SYT5: variants seen among roughly 807,000 people sequenced by gnomAD.
SYT5 encodes synaptotagmin 5, also known as synaptotagmin-5.
SYT5 carries 29 observed loss-of-function variants against 36.0 expected under a neutral mutation model. The observed-to-expected ratio is 0.81, with a 90% CI of 0.60 to 1.10. The LOEUF is 1.10. Ranked by LOEUF, SYT5 falls within the 50% of genes least tolerant of loss-of-function variation. The pLI is 0.00. For synonymous variants in SYT5, 231 were observed against 227.6 expected (o/e 1.02, Z -0.14); for missense variants, 512 against 516.0 (o/e 0.99, Z 0.08).
chr19:55,174,373 G>T, intron 8 of SYT5, 144 bp downstream of exon 8: 1 of 1,103,124 alleles, frequency 9.1e-7, no homozygotes, highest in Non-Finnish European at 1.3e-6. Context: ...AGGCTTCCTG[G>T]TCCTCATAGG....
chr19:55,173,498 G>A lies in SYT5; in HGVS notation c.1147C>T (p.Leu383=), dbSNP rs1417979637. ...SLRPPDRVRL[L]PAP The stretch of plus-strand genomic sequence containing the variant: ...TGGGGTGGGAGTCAGGGCGCAGGCA[G>A]CAGCCTCACTCGGTCCGGGGGCCGC... The change falls in exon 9 of 9, where the codon CTG becomes TTG. Residue 383 remains leucine, a synonymous_variant. Coordinates refer to ENST00000354308, the MANE Select transcript of SYT5 (RefSeq NM_003180.3). This position sits in a 1 kb window ranked among gnomAD's most constrained non-coding sequence, Gnocchi z 5.4. The A allele has an allele frequency of 1.5e-6, 2 of 1,367,578 alleles. No homozygotes were observed. Among genetic ancestry groups the A allele is most frequent in the South Asian group, 1.8e-5 (1 of 56,886 alleles). 84.7% of individuals were successfully genotyped at this position (1,367,578 alleles called of 1,614,324 possible). A position where few individuals can be genotyped will look rare whatever the true frequency, so the allele number is the denominator to read the frequency against.
chr19:55,173,522 G>A lies in SYT5; in HGVS notation c.1123C>T (p.Arg375Trp), dbSNP rs1354886780. ...RRPIAQWHSL[R>W]PPDRVRLLPA... Reference sequence around the variant, plus strand: ...AGCAGCCTCACTCGGTCCGGGGGCCGCAGCGAGTGCCACTGGGCAATGGGC... The same window carrying A: ...AGCAGCCTCACTCGGTCCGGGGGCCACAGCGAGTGCCACTGGGCAATGGGC... Residue 375 changes from arginine (R) to tryptophan (W), a missense_variant, in exon 9 of 9, where the codon CGG becomes TGG. Coordinates refer to ENST00000354308, the MANE Select transcript of SYT5 (RefSeq NM_003180.3). This position sits in a 1 kb window ranked among gnomAD's most constrained non-coding sequence, Gnocchi z 5.4. 2 of 1,407,276 alleles carry A rather than the reference G, an allele frequency of 1.4e-6. No homozygotes were observed. The highest frequency in any genetic ancestry group is 3.0e-5 in the East Asian group (1 of 33,058). 87.2% of individuals were successfully genotyped at this position (1,407,276 alleles called of 1,614,324 possible). A position where few individuals can be genotyped will look rare whatever the true frequency, so the allele number is the denominator to read the frequency against.
intron 3 of SYT5, chr19:55,176,390 A>G (rs571678321): frequency 6.1e-6 from 3 of 489,808 alleles, no homozygotes; most frequent in Admixed American, 6.9e-5. Context: ...GATTAAAACA[A>G]GTGCTGATAG....
In SYT5 at chr19:55,173,427, C is replaced by T; in HGVS notation, c.*57G>A. 1.5e-6 allele frequency: 2 copies of T among 1,293,640 alleles called. No individual in the cohort carries two copies. Among genetic ancestry groups the T allele is most frequent in the Non-Finnish European group, 2.0e-6 (2 of 1,020,326 alleles). 80.1% of individuals were successfully genotyped at this position (1,293,640 alleles called of 1,614,324 possible). ...GGGCTGGCTTGGCTTTGGCCGGTCT[C>T]GGGAGTCTGGGGTCAGGGGCTAGAG... On this transcript the variant is annotated 3_prime_UTR_variant, in exon 9 of 9. Transcript: ENST00000354308. The surrounding 1 kb of genome is among the most constrained non-coding windows in gnomAD (Gnocchi z 5.4).
chr19:55,178,361 G>C lies in SYT5; in HGVS notation c.87C>G (p.Pro29=), dbSNP rs575458911. The change falls in exon 3 of 9, where the codon CCC becomes CCG. Residue 29 remains proline (P), a synonymous_variant. Coordinates refer to ENST00000354308, the MANE Select transcript of SYT5 (RefSeq NM_003180.3). ...CCAGCACGATGGTGGCCAGGGCCCA[G>C]GGGGGCACTGCAGAGGGGTGGAGAC... is the stretch of plus-strand genomic sequence containing the variant. ...SSRISHGPVP[P]WALATIVLVS... is the part of the protein sequence containing the mutation. 5 of 1,609,780 alleles carry C rather than the reference G, an allele frequency of 3.1e-6. No homozygotes were observed. In the East Asian group the frequency reaches 8.9e-5, roughly 29 times the overall value.
Position 55,179,086 on chromosome 19 carries a change from C to T in SYT5, c.-45G>A, listed in dbSNP as rs1019796181. 6 of 1,572,034 alleles carry T rather than the reference C, an allele frequency of 3.8e-6. No homozygotes were observed. In the Admixed American group the frequency reaches 9.5e-5, roughly 25 times the overall value. On this transcript the variant is annotated splice_region_variant and 5_prime_UTR_variant, in exon 2 of 9. Coordinates refer to ENST00000354308, the MANE Select transcript of SYT5 (RefSeq NM_003180.3). This position sits in a 1 kb window ranked among gnomAD's most constrained non-coding sequence, Gnocchi z 4.5. ...CTTTTCTGCAGAGACACTCAAGCAC[C>T]CTAGTCCCCCATTCCCACCCCAGAC...
In SYT5 at chr19:55,179,483, G is replaced by C; in HGVS notation, c.-45-397C>G. The C allele has an allele frequency of 6.0e-6, 2 of 331,100 alleles. No homozygotes were observed. Among genetic ancestry groups the C allele is most frequent in the Non-Finnish European group, 1.1e-5 (2 of 182,012 alleles). 20.5% of individuals were successfully genotyped at this position (331,100 alleles called of 1,614,324 possible). Reference sequence around the variant, plus strand: ...CGGGTTGTTGCCAGGACAACGGGCGGGGCTGACGCACAGACGCGGAGTCCC... The same window carrying C: ...CGGGTTGTTGCCAGGACAACGGGCGCGGCTGACGCACAGACGCGGAGTCCC... On this transcript the variant is annotated intron_variant, in intron 1 of 8. Coordinates refer to ENST00000354308, the MANE Select transcript of SYT5 (RefSeq NM_003180.3). The surrounding 1 kb of genome is among the most constrained non-coding windows in gnomAD (Gnocchi z 4.5).
Position 55,175,773 on chromosome 19 carries a change from C to T in SYT5, c.476G>A (p.Arg159Gln). The stretch of plus-strand genomic sequence containing the variant: ...CTGCCGATGCACCTTGGTCTCGTAC[C>T]GCCTCCGTTTGTCCGGCAGCAGGTA... ...RVYLLPDKRRRYETKVHRQTL... is the reference protein window; with the variant it reads ...RVYLLPDKRRQYETKVHRQTL... Residue 159 changes from arginine (R) to glutamine (Q), a missense_variant, in exon 5 of 9, where the codon CGG (arginine) becomes CAG (glutamine). By Grantham distance (43) the Arg-to-Gln change is conservative. Transcript: ENST00000354308. This position sits in a 1 kb window ranked among gnomAD's most constrained non-coding sequence, Gnocchi z 4.5. 6.2e-7 allele frequency: 1 copy of T among 1,614,160 alleles called. No homozygotes were observed. The highest frequency in any genetic ancestry group is 8.5e-7 in the Non-Finnish European group (1 of 1,180,024).
In SYT5 at chr19:55,175,354, G is replaced by A; in HGVS notation, c.541-15C>T. 6.6e-7 allele frequency: 1 copy of A among 1,519,214 alleles called. No individual in the cohort carries two copies. Among genetic ancestry groups the A allele is most frequent in the Non-Finnish European group, 8.8e-7 (1 of 1,137,842 alleles). The allele number at this position is 1,519,214 out of a possible 1,614,324, so 94.1% of individuals were successfully genotyped here. A position where few individuals can be genotyped will look rare whatever the true frequency, so the allele number is the denominator to read the frequency against. On this transcript the variant is annotated splice_polypyrimidine_tract_variant and intron_variant, in intron 5 of 8. Transcript: ENST00000354308. The surrounding 1 kb of genome is among the most constrained non-coding windows in gnomAD (Gnocchi z 4.5). ...ACGTAGGGGACCTGGAGTGCACAGAGAATCCGCAGTAGAGAGCAGGAAGTC... is the reference window on the plus strand; with the variant it reads ...ACGTAGGGGACCTGGAGTGCACAGAAAATCCGCAGTAGAGAGCAGGAAGTC...
chr19:55,177,897 G>A (rs1274793653), intron 3 of SYT5, among the ~76,000 whole-genome samples: 1 of 152,202 alleles, frequency 6.6e-6, no homozygotes, highest in Non-Finnish European at 1.5e-5. Flanking sequence ...TCTATACAGT[G>A]GGATGCCTTT....
intron 8 of SYT5, among the ~76,000 whole-genome samples, chr19:55,174,221 G>C (rs991164978): frequency 1.6e-4 from 24 of 146,586 alleles, no homozygotes; most frequent in Non-Finnish European, 3.0e-4. Context: ...GAGCATCCTG[G>C]TTCCGCTTGG....
chr19:55,178,969 C>G lies in SYT5; in HGVS notation c.73G>C (p.Gly25Arg). ...TPPDSSRISH[G>R]PVPPWALATI... Reference sequence around the variant, plus strand: ...ACCCCCGGGTCTTGCTCACCTGGGCCGTGGCTGATGCGACTGGAGTCGGGA... The same window carrying G: ...ACCCCCGGGTCTTGCTCACCTGGGCGGTGGCTGATGCGACTGGAGTCGGGA... Residue 25 changes from glycine (G) to arginine (R), a missense_variant, in exon 2 of 9, where the codon GGC (glycine) becomes CGC (arginine). Gly to Arg is a moderately radical substitution (Grantham distance 125). Transcript: ENST00000354308. 4 of 1,560,704 alleles carry G rather than the reference C, an allele frequency of 2.6e-6. No homozygotes were observed. The highest frequency in any genetic ancestry group is 1.2e-5 in the South Asian group (1 of 83,778).
At position 55,173,274 on chromosome 19, in the gene SYT5, C is replaced by T; in HGVS notation, c.*210G>A. On this transcript the variant is annotated 3_prime_UTR_variant, in exon 9 of 9. Transcript: ENST00000354308. The surrounding 1 kb of genome is among the most constrained non-coding windows in gnomAD (Gnocchi z 5.4). ...TCCCTGGGGCATCTGGGTGTGTCCGCGAGGGTCGGGGGAGTGTGCTGGAAA... is the reference window on the plus strand; with the variant it reads ...TCCCTGGGGCATCTGGGTGTGTCCGTGAGGGTCGGGGGAGTGTGCTGGAAA... The T allele has an allele frequency of 4.7e-6, 2 of 429,808 alleles. No individual in the cohort carries two copies. The highest frequency in any genetic ancestry group is 3.9e-6 in the Non-Finnish European group (1 of 256,398). 26.6% of individuals were successfully genotyped at this position (429,808 alleles called of 1,614,324 possible).
At position 55,173,577 on chromosome 19, in the gene SYT5, G is replaced by T. The variant is rs1390638402; in HGVS notation, c.1068C>A (p.His356Gln). The change falls in exon 9 of 9, where the codon CAC (histidine) becomes CAA (glutamine). Residue 356 changes from histidine to glutamine, a missense_variant. By Grantham distance (24) the His-to-Gln change is conservative. Transcript: ENST00000354308. The surrounding 1 kb of genome is among the most constrained non-coding windows in gnomAD (Gnocchi z 5.4). ...GAAAGGAGLR[H>Q]WADMLANPRR... ...GCGGGTTGGCCAGCATGTCCGCCCA[G>T]TGCCGCAGGCCAGCCCCGCCGGCGG... is the stretch of plus-strand genomic sequence containing the variant. 1 of 1,474,382 alleles carries T rather than the reference G, an allele frequency of 6.8e-7. No individual in the cohort carries two copies. The highest frequency in any genetic ancestry group is 9.0e-7 in the Non-Finnish European group (1 of 1,113,904). 91.3% of individuals were successfully genotyped at this position (1,474,382 alleles called of 1,614,324 possible).
rs567286756 is a variant in SYT5 at position 55,175,264 on chromosome 19, C to A, written c.616G>T (p.Ala206Ser). The A allele has an allele frequency of 1.2e-4, 193 of 1,604,480 alleles. 2 individuals carry two copies. The South Asian group carries it at 1.4e-3, about 12-fold the overall frequency. The change falls in exon 6 of 9, where the codon GCC becomes TCC. Residue 206 changes from alanine (A) to serine (S), a missense_variant. Transcript: ENST00000354308. The surrounding 1 kb of genome is among the most constrained non-coding windows in gnomAD (Gnocchi z 4.5). ...YDFDRFSRNDAIGEVRVPMSS... is the reference protein window; with the variant it reads ...YDFDRFSRNDSIGEVRVPMSS... ...ATAGGGACCCGCACCTCCCCGATGG[C>A]GTCATTGCGAGAGAAGCGGTCGAAG...
Position 55,179,185 on chromosome 19 carries a change from C to G in SYT5, c.-45-99G>C. On this transcript the variant is annotated intron_variant, in intron 1 of 8. Coordinates refer to ENST00000354308, the MANE Select transcript of SYT5 (RefSeq NM_003180.3). The surrounding 1 kb of genome is among the most constrained non-coding windows in gnomAD (Gnocchi z 4.5). ...TTTGCGCGAACAGCCGCGCAGAAAC[C>G]GGACAGCCACCGCGAGTCATGCTGG... 1.3e-6 allele frequency: 2 copies of G among 1,533,952 alleles called. No individual in the cohort carries two copies. The highest frequency in any genetic ancestry group is 2.4e-5 in the South Asian group (2 of 83,490).
chr19:55,178,350 G>C lies in SYT5; in HGVS notation c.98C>G (p.Ala33Gly). The C allele has an allele frequency of 6.2e-7, 1 of 1,611,294 alleles. No individual in the cohort carries two copies. The highest frequency in any genetic ancestry group is 8.5e-7 in the Non-Finnish European group (1 of 1,179,248). Residue 33 changes from alanine to glycine, a missense_variant, in exon 3 of 9, where the codon GCC becomes GGC. Transcript: ENST00000354308. ...SHGPVPPWAL[A>G]TIVLVSGLLI... ...GAGGCCTGAGACCAGCACGATGGTG[G>C]CCAGGGCCCAGGGGGGCACTGCAGA...
Position 55,173,892 on chromosome 19 carries a change from C to G in SYT5, c.961-208G>C. 2.2e-6 allele frequency: 1 copy of G among 460,990 alleles called. No individual in the cohort carries two copies. The highest frequency in any genetic ancestry group is 3.6e-6 in the Non-Finnish European group (1 of 276,930). 28.6% of individuals were successfully genotyped at this position (460,990 alleles called of 1,614,324 possible). On this transcript the variant is annotated intron_variant, in intron 8 of 8. Transcript: ENST00000354308. This position sits in a 1 kb window ranked among gnomAD's most constrained non-coding sequence, Gnocchi z 5.4. ...CTCTGGCGCCTTTCTTCCTGCGCAG[C>G]CAGGTTTCTAAGGAAATGAACCCTC...
At position 55,173,782 on chromosome 19, in the gene SYT5, G is replaced by A; in HGVS notation, c.961-98C>T. 8.0e-7 allele frequency: 1 copy of A among 1,246,882 alleles called. No individual in the cohort carries two copies. Among genetic ancestry groups the A allele is most frequent in the Non-Finnish European group, 1.0e-6 (1 of 977,878 alleles). The allele number at this position is 1,246,882 out of a possible 1,614,324, so 77.2% of individuals were successfully genotyped here. ...TTCACGGCTGAGGGTACCTCTCGCT[G>A]CCACCCGAGGGCTCGGGGCCCCGGA... On this transcript the variant is annotated intron_variant, in intron 8 of 8. Coordinates refer to ENST00000354308, the MANE Select transcript of SYT5 (RefSeq NM_003180.3). This position sits in a 1 kb window ranked among gnomAD's most constrained non-coding sequence, Gnocchi z 5.4.
Sources: gnomAD v4.1 joint callset for allele counts (sites outside exome capture counted in the v4.1 genomes callset) on GRCh38, gnomAD v4.1.1 for gene constraint, Gnocchi (gnomAD v3.1) non-coding constraint, MANE v1.5 for transcripts, NCBI Gene and HGNC (gene_info 2026-07-23, HGNC 2026-07-21) for gene names.